The following CDK6 variants were observed in gnomAD, a reference collection of about 807,000 sequenced individuals.
The protein encoded by CDK6 is cyclin-dependent kinase 6.
In CDK6, 6 loss-of-function variants were observed where a neutral mutation model predicts 37.1. The ratio of observed to expected loss-of-function variants is 0.16; its 90% CI spans 0.09 to 0.32. CDK6 has a LOEUF of 0.32. Among genes scored for constraint, CDK6 ranks in the 10% least tolerant of loss-of-function variants. The probability of loss-of-function intolerance (pLI) is 1.00; values close to 1 mark genes in which losing one functional copy is unlikely to be tolerated. For synonymous variants in CDK6, 160 were observed against 161.3 expected (o/e 0.99, Z 0.06); for missense variants, 224 against 418.9 (o/e 0.53, Z 4.06).
At chr7:92,802,742 GCCCA>G (rs1800614242) in intron 2 of CDK6, among the ~76,000 whole-genome samples, 1 of 152,152 alleles carries the variant, frequency 6.6e-6, no homozygotes, top group Admixed American at 6.5e-5. Flanking sequence ...TAATGATGGT[GCCCA>G]CTCAATGCTG....
chr7:92,645,544 C>T (rs544483640), intron 5 of CDK6, among the ~76,000 whole-genome samples: 8 of 152,330 alleles, frequency 5.3e-5, no homozygotes, highest in South Asian at 2.1e-4. Flanking sequence ...TCCTGCAACC[C>T]GGGGAGGGGG....
chr7:92,760,564 T>C (rs1799428724), intron 3 of CDK6, among the ~76,000 whole-genome samples: 2 of 152,118 alleles, frequency 1.3e-5, no homozygotes, highest in Admixed American at 1.3e-4. Flanking sequence ...TATAAAAATA[T>C]TGGGTTGAAT....
At chr7:92,663,219 T>C (rs1796876677) in intron 5 of CDK6, among the ~76,000 whole-genome samples, 1 of 152,094 alleles carries the variant, frequency 6.6e-6, no homozygotes, top group Non-Finnish European at 1.5e-5. Context: ...ACTAAGCAGA[T>C]AAAATCTGGT....
chr7:92,813,713 A>G (rs1236784625), intron 2 of CDK6, among the ~76,000 whole-genome samples: 1 of 152,242 alleles, frequency 6.6e-6, no homozygotes, highest in Non-Finnish European at 1.5e-5. Flanking sequence ...CAAACTGTGA[A>G]CAATGTATTG....
chr7:92,706,775 C>T (rs1797977430), intron 4 of CDK6, among the ~76,000 whole-genome samples: 1 of 152,212 alleles, frequency 6.6e-6, no homozygotes, highest in Admixed American at 6.5e-5. Flanking sequence ...ACAGTCCATT[C>T]ACAATAACAC....
At chr7:92,640,823 A>G (rs547784070) in intron 5 of CDK6, among the ~76,000 whole-genome samples, 130 of 152,296 alleles carry the variant, frequency 8.5e-4, no homozygotes, top group African/African-American at 3.0e-3. Flanking sequence ...CACTTCCGGG[A>G]GTTAGTCCTA....
chr7:92,648,391 T>C (rs1213979697), intron 5 of CDK6, among the ~76,000 whole-genome samples: 4 of 152,144 alleles, frequency 2.6e-5, no homozygotes, highest in Admixed American at 2.6e-4. Context: ...ACTTTTTAGT[T>C]GAGAAAGACA....
At chr7:92,620,456 G>A (rs1438736759) in intron 6 of CDK6, among the ~76,000 whole-genome samples, 1 of 152,154 alleles carries the variant, frequency 6.6e-6, no homozygotes, top group Non-Finnish European at 1.5e-5. Flanking sequence ...TCCAGAGTGA[G>A]TTCCGTTCTC....
At chr7:92,677,498 A>G (rs749843817) in intron 4 of CDK6, among the ~76,000 whole-genome samples, 23 of 152,186 alleles carry the variant, frequency 1.5e-4, no homozygotes, top group Non-Finnish European at 2.9e-4. Flanking sequence ...ACACGCCTGT[A>G]ATCCCTGCTA....
chr7:92,679,381 C>T (rs1161878960), intron 4 of CDK6, among the ~76,000 whole-genome samples: 1 of 152,142 alleles, frequency 6.6e-6, no homozygotes, highest in Non-Finnish European at 1.5e-5. Flanking sequence ...ACAACGTTAT[C>T]GTTAAATATC....
At chr7:92,640,144 G>A (rs1796269216) in intron 5 of CDK6, among the ~76,000 whole-genome samples, 2 of 152,090 alleles carry the variant, frequency 1.3e-5, no homozygotes, top group African/African-American at 4.8e-5. Context: ...AGAGCACGCC[G>A]CTCAGCTGCC....
intron 5 of CDK6, among the ~76,000 whole-genome samples, chr7:92,649,086 C>T (rs1796511787): frequency 1.3e-5 from 2 of 151,574 alleles, no homozygotes; most frequent in East Asian, 1.9e-4. Context: ...AGGAGCTATG[C>T]ACTATATGTA....
chr7:92,772,533 CAAA>C lies in CDK6; in HGVS notation c.369+2160_369+2162del, dbSNP rs112275011. The stretch of plus-strand genomic sequence containing the variant: ...CTTTCCTGGAGATAGACAAAAAGCT[CAAA>C]AAAAAAAAAAAATTAACTTTTAATG... On this transcript the variant is annotated intron_variant, in intron 3 of 7. Coordinates refer to ENST00000424848, the MANE Select transcript of CDK6 (RefSeq NM_001145306.2). Among the ~76,000 whole-genome samples, 298 of 128,156 alleles carry C rather than the reference CAAA, an allele frequency of 2.3e-3. 1 individual carries two copies. Among genetic ancestry groups the C allele is most frequent in the African/African-American group, 8.2e-3 (287 of 35,210 alleles). The allele number at this position is 128,156 out of a possible 152,430, so 84.1% of individuals were successfully genotyped here.
In CDK6 at chr7:92,764,297, C is replaced by T. The variant is rs117786415; in HGVS notation, c.369+10399G>A. On this transcript the variant is annotated intron_variant, in intron 3 of 7. Transcript: ENST00000424848. ...GGGACTATAGGTATGCACCACAACACCTGGCTAATTTTTGTATTTTTTGTC... is the reference window on the plus strand; with the variant it reads ...GGGACTATAGGTATGCACCACAACATCTGGCTAATTTTTGTATTTTTTGTC... Among the ~76,000 whole-genome samples, 85 of 152,174 alleles carry T rather than the reference C, an allele frequency of 5.6e-4. 1 individual carries two copies. The East Asian group carries it at 0.013, about 24-fold the overall frequency.
intron 4 of CDK6, among the ~76,000 whole-genome samples, chr7:92,717,185 A>T (rs956813311): frequency 2.0e-5 from 3 of 152,018 alleles, no homozygotes; most frequent in Non-Finnish European, 4.4e-5. Context: ...TCTTAAAAAA[A>T]AAAAGAACGT....
At chr7:92,753,644 C>T (rs967912014) in intron 3 of CDK6, among the ~76,000 whole-genome samples, 4 of 151,744 alleles carry the variant, frequency 2.6e-5, no homozygotes, top group African/African-American at 9.7e-5. Context: ...AGGTGCACAC[C>T]ACCACGCCCA....
Position 92,833,605 on chromosome 7 carries a change from C to G in CDK6, c.-282G>C. On this transcript the variant is annotated 5_prime_UTR_variant, in exon 2 of 8. Coordinates refer to ENST00000424848, the MANE Select transcript of CDK6 (RefSeq NM_001145306.2). The surrounding 1 kb of genome is among the most constrained non-coding windows in gnomAD (Gnocchi z 6.1). ...CGCCGGAGGAGCGAGCCGATCCCTC[C>G]TCTTCCCTCCTCGAAGCGAAGTCCT... The G allele has an allele frequency of 1.9e-6, 1 of 538,300 alleles. No individual in the cohort carries two copies. Among genetic ancestry groups the G allele is most frequent in the Non-Finnish European group, 3.2e-6 (1 of 311,044 alleles). 33.3% of individuals were successfully genotyped at this position (538,300 alleles called of 1,614,324 possible).
rs773498374 is a variant in CDK6 at position 92,725,648 on chromosome 7, A to C, written c.515T>G (p.Phe172Cys). The C allele has an allele frequency of 1.9e-6, 3 of 1,613,960 alleles. No homozygotes were observed. The highest frequency in any genetic ancestry group is 2.5e-6 in the Non-Finnish European group (3 of 1,179,938). Residue 172 changes from phenylalanine (F) to cysteine (C), a missense_variant, in exon 4 of 8, where the codon TTC becomes TGC. By Grantham distance (205) the Phe-to-Cys change is radical. Coordinates refer to ENST00000424848, the MANE Select transcript of CDK6 (RefSeq NM_001145306.2). ...ADFGLARIYS[F>C]QMALTSVVVT... ...CACCACTGAGGTTAGAGCCATCTGG[A>C]AACTATAGATGCGGGCAAGGCCGAA...
chr7:92,765,601 C>T (rs1799559830), intron 3 of CDK6, among the ~76,000 whole-genome samples: 1 of 152,054 alleles, frequency 6.6e-6, no homozygotes, highest in South Asian at 2.1e-4. Flanking sequence ...GGTATTGATG[C>T]ATACATTTCT....
Sources: gnomAD v4.1 joint callset for allele counts (sites outside exome capture counted in the v4.1 genomes callset) on GRCh38, gnomAD v4.1.1 for gene constraint, Gnocchi (gnomAD v3.1) non-coding constraint, MANE v1.5 for transcripts, NCBI Gene and HGNC (gene_info 2026-07-23, HGNC 2026-07-21) for gene names.